Variants in TRIM37 observed in about 807,000 individuals in gnomAD.
The protein encoded by TRIM37 is tripartite motif containing 37.
A neutral mutation model predicts 129.8 loss-of-function variants in TRIM37; 80 were observed. The observed-to-expected ratio is 0.62, with a 90% CI of 0.51 to 0.74. TRIM37 has a LOEUF of 0.74. TRIM37 is among the 30% of genes least tolerant of loss of function. TRIM37 has a pLI of 0.00. For missense variants in TRIM37, 1,054 were observed against 1,176.5 expected (o/e 0.90, Z 1.52); for synonymous variants, 389 against 387.1 (o/e 1.00, Z -0.06).
At chr17:59,077,862 G>A (rs969506129) in intron 7 of TRIM37, among the ~76,000 whole-genome samples, 3 of 144,044 alleles carry the variant, frequency 2.1e-5, no homozygotes, top group African/African-American at 7.8e-5. Context: ...GGTGGCTCAC[G>A]CCTGTTATCC....
chr17:59,002,448 C>T (rs564455724), intron 22 of TRIM37, among the ~76,000 whole-genome samples: 1 of 152,220 alleles, frequency 6.6e-6, no homozygotes, highest in South Asian at 2.1e-4. Flanking sequence ...ATATGTTGCC[C>T]AGGCTGGTCT....
intron 1 of TRIM37, among the ~76,000 whole-genome samples, chr17:59,104,918 C>T (rs1227511893): frequency 6.6e-6 from 1 of 151,730 alleles, no homozygotes. Context: ...ATGGTTAAAC[C>T]CCGTCTCTAC....
At chr17:59,101,485 A>AT (rs1481175725) in intron 2 of TRIM37, among the ~76,000 whole-genome samples, 1 of 151,808 alleles carries the variant, frequency 6.6e-6, no homozygotes, top group East Asian at 1.9e-4. Context: ...TAAGACAAAT[A>AT]TAAGTGAAAC....
At chr17:59,077,144 G>C (rs907146124) in intron 7 of TRIM37, among the ~76,000 whole-genome samples, 2 of 152,026 alleles carry the variant, frequency 1.3e-5, no homozygotes, top group African/African-American at 4.8e-5. Flanking sequence ...GCCCAGGCTG[G>C]AGTATAGTGG....
intron 20 of TRIM37, 29 bp downstream of exon 20, chr17:59,017,267 A>G (rs372576473): frequency 1.1e-5 from 18 of 1,613,046 alleles, no homozygotes; most frequent in Non-Finnish European, 1.4e-5. Context: ...TACCCCACTA[A>G]AAGTACATTC....
intron 17 of TRIM37, among the ~76,000 whole-genome samples, chr17:59,033,182 A>C (rs2038077589): frequency 6.6e-6 from 1 of 152,248 alleles, no homozygotes; most frequent in Admixed American, 6.5e-5. Context: ...AATATTAAAA[A>C]GTCAGGTTCC....
chr17:59,004,931 C>CA (rs1025389888), intron 22 of TRIM37, among the ~76,000 whole-genome samples: 2 of 151,868 alleles, frequency 1.3e-5, no homozygotes, highest in East Asian at 1.9e-4. Flanking sequence ...AACAAAAAAA[C>CA]AAAAAAACAA....
chr17:59,094,327 T>C (rs868462581), intron 2 of TRIM37, among the ~76,000 whole-genome samples: 2 of 152,188 alleles, frequency 1.3e-5, no homozygotes, highest in East Asian at 1.9e-4. Flanking sequence ...CAAATATCTT[T>C]AGAGCATTCC....
intron 2 of TRIM37, among the ~76,000 whole-genome samples, chr17:59,102,630 A>G (rs2045614003): frequency 6.6e-6 from 1 of 152,330 alleles, no homozygotes; most frequent in Non-Finnish European, 1.5e-5. Context: ...ACAGCTGAAG[A>G]AAGAAGGCCA....
chr17:58,994,538 GC>G (rs1178542263), downstream of TRIM37, among the ~76,000 whole-genome samples: 6 of 152,050 alleles, frequency 3.9e-5, no homozygotes, highest in Non-Finnish European at 8.8e-5. Flanking sequence ...AGTAAGCTAT[GC>G]ACAGCTGCAC....
intron 22 of TRIM37, among the ~76,000 whole-genome samples, chr17:59,011,759 G>C (rs559263090): frequency 6.6e-6 from 1 of 152,206 alleles, no homozygotes; most frequent in South Asian, 2.1e-4. Flanking sequence ...TCATCATACA[G>C]GATTTAAAAA....
At chr17:58,999,562 T>C (rs566569308) in intron 23 of TRIM37, 103 bp from the exon 24 acceptor site, 10 of 991,388 alleles carry the variant, frequency 1.0e-5, no homozygotes, top group Non-Finnish European at 1.5e-5. Flanking sequence ...ATGTGTTATT[T>C]AAGTGATAAA....
Position 58,998,851 on chromosome 17 carries a change from T to A in TRIM37, c.*526A>T. Reference sequence around the variant, plus strand: ...ACTCCAAAAAGGAGATTCAGTCTAGTGTTACTTCAGTTATTCACATAGTGT... The same window carrying A: ...ACTCCAAAAAGGAGATTCAGTCTAGAGTTACTTCAGTTATTCACATAGTGT... On this transcript the variant is annotated 3_prime_UTR_variant, in exon 24 of 24. Transcript: ENST00000262294. 2.0e-6 allele frequency: 2 copies of A among 993,768 alleles called. No homozygotes were observed. Among genetic ancestry groups the A allele is most frequent in the Non-Finnish European group, 2.4e-6 (2 of 834,656 alleles). 61.6% of individuals were successfully genotyped at this position (993,768 alleles called of 1,614,324 possible). A position where few individuals can be genotyped will look rare whatever the true frequency, so the allele number is the denominator to read the frequency against.
chr17:59,097,132 T>C (rs2044972600), intron 2 of TRIM37, among the ~76,000 whole-genome samples: 2 of 152,100 alleles, frequency 1.3e-5, no homozygotes, highest in African/African-American at 4.8e-5. Context: ...ATAAAGGCCA[T>C]ATATAAAAAC....
At chr17:59,037,190 G>C (rs2038615637) in intron 17 of TRIM37, among the ~76,000 whole-genome samples, 1 of 151,740 alleles carries the variant, frequency 6.6e-6, no homozygotes, top group Admixed American at 6.6e-5. Context: ...TTCATAATAA[G>C]CATATTAAAA....
At position 59,078,733 on chromosome 17, in the gene TRIM37, C is replaced by T. The variant is rs2043023750; in HGVS notation, c.616+1021G>A. Among the ~76,000 whole-genome samples the T allele has an allele frequency of 2.0e-5, 3 of 152,076 alleles. No individual in the cohort carries two copies. The South Asian group carries it at 6.2e-4, about 31-fold the overall frequency. On this transcript the variant is annotated intron_variant, in intron 7 of 23. Transcript: ENST00000262294. ...TCATTTACATGAAATATATAAGTGG[C>T]ATTGTGACCAGTACAATCAATACCT... is the stretch of plus-strand genomic sequence containing the variant.
At chr17:59,075,450 G>T (rs1038577450) in intron 8 of TRIM37, among the ~76,000 whole-genome samples, 197 bp downstream of exon 8, 1 of 151,198 alleles carries the variant, frequency 6.6e-6, no homozygotes, top group African/African-American at 2.4e-5. Flanking sequence ...TGTAGTCCCA[G>T]CTACTCAGGA....
intron 18 of TRIM37, among the ~76,000 whole-genome samples, chr17:59,029,182 C>T (rs1203067249): frequency 6.6e-6 from 1 of 152,138 alleles, no homozygotes; most frequent in Non-Finnish European, 1.5e-5. Context: ...AATCCCAGCA[C>T]TTCAGGAGGC....
chr17:58,975,001 C>G, the TRIM37 span, among the ~76,000 whole-genome samples: 1 of 152,132 alleles, frequency 6.6e-6, no homozygotes, highest in African/African-American at 2.4e-5. Context: ...AAAATATACC[C>G]TTATATGGAA....
Sources: allele counts gnomAD v4.1 joint callset (sites outside exome capture counted in the v4.1 genomes callset), GRCh38; gene constraint gnomAD v4.1.1; transcripts MANE v1.5; gene names NCBI Gene and HGNC (gene_info 2026-07-23, HGNC 2026-07-21).